TENM4: variants seen among roughly 807,000 people sequenced by gnomAD.
TENM4 encodes the protein teneurin-4.
Under a neutral mutation model 243.3 loss-of-function variants are expected in TENM4, and 82 were observed. The ratio of observed to expected loss-of-function variants is 0.34; its 90% CI spans 0.28 to 0.40. The LOEUF (loss-of-function observed/expected upper bound fraction) is 0.40. TENM4 is among the 10% of genes least tolerant of loss of function. The pLI is 1.00. For synonymous variants in TENM4, 1,412 were observed against 1,456.3 expected (o/e 0.97, Z 0.69); for missense variants, 3,138 against 3,673.3 (o/e 0.85, Z 3.77).
At chr11:78,717,926 G>A (rs1859558707) in intron 25 of TENM4, among the ~76,000 whole-genome samples, 1 of 152,176 alleles carries the variant, frequency 6.6e-6, no homozygotes, top group Non-Finnish European at 1.5e-5. Flanking sequence ...GAAGGAGTCT[G>A]TAGAGGAAGA....
At chr11:79,130,032 A>G (rs1861969201) in intron 4 of TENM4, among the ~76,000 whole-genome samples, 1 of 152,168 alleles carries the variant, frequency 6.6e-6, no homozygotes. Flanking sequence ...TACACCACTG[A>G]GAGACCCATA....
intron 6 of TENM4, chr11:79,021,859 T>G (rs1378349768): frequency 6.6e-6 from 1 of 152,200 alleles, no homozygotes; most frequent in Non-Finnish European, 1.5e-5. Flanking sequence ...TAGAATGCCA[T>G]GACTTCAGCA....
intron 1 of TENM4, among the ~76,000 whole-genome samples, chr11:79,403,674 G>A (rs529874192): frequency 6.6e-6 from 1 of 152,044 alleles, no homozygotes; most frequent in African/African-American, 2.4e-5. Context: ...CCCACCCCCA[G>A]TTGTCTTCCC....
chr11:79,128,212 C>T (rs1343265614), intron 4 of TENM4, among the ~76,000 whole-genome samples: 2 of 152,144 alleles, frequency 1.3e-5, no homozygotes, highest in Non-Finnish European at 2.9e-5. Context: ...AGAGCAAAGC[C>T]CTGGCATCTT....
chr11:79,412,710 A>G (rs945207031), intron 1 of TENM4, among the ~76,000 whole-genome samples: 2 of 152,234 alleles, frequency 1.3e-5, no homozygotes, highest in Admixed American at 6.5e-5. Context: ...CCCATCTCCC[A>G]GTAACTTCCA....
At chr11:79,303,338 C>G (rs1276315375) in intron 1 of TENM4, among the ~76,000 whole-genome samples, 3 of 152,158 alleles carry the variant, frequency 2.0e-5, no homozygotes, top group Non-Finnish European at 2.9e-5. Context: ...TTTAACCTCC[C>G]TAAGCCTCTG....
intron 28 of TENM4, among the ~76,000 whole-genome samples, chr11:78,697,504 T>A (rs1431971708): frequency 6.6e-6 from 1 of 152,214 alleles, no homozygotes; most frequent in Non-Finnish European, 1.5e-5. Flanking sequence ...CCATTTCAGT[T>A]GAGTTCTATG....
At chr11:79,029,796 AG>A (rs1298569445) in intron 6 of TENM4, among the ~76,000 whole-genome samples, 1 of 152,184 alleles carries the variant, frequency 6.6e-6, no homozygotes, top group Admixed American at 6.5e-5. Context: ...TTCTCTATCC[AG>A]GTGGGCTCTT....
chr11:79,213,110 G>A (rs1482028211), intron 3 of TENM4, among the ~76,000 whole-genome samples: 7 of 152,176 alleles, frequency 4.6e-5, no homozygotes, highest in African/African-American at 1.7e-4. Context: ...CACCCTCCTG[G>A]GCAGGCAGAG....
intron 6 of TENM4, among the ~76,000 whole-genome samples, chr11:78,958,253 T>C (rs1857248449): frequency 1.3e-5 from 2 of 152,216 alleles, no homozygotes; most frequent in Admixed American, 1.3e-4. Context: ...CTCAGAGCTA[T>C]TTATTCCCCG....
At chr11:79,379,187 T>C (rs1049080336) in intron 1 of TENM4, among the ~76,000 whole-genome samples, 1 of 152,094 alleles carries the variant, frequency 6.6e-6, no homozygotes, top group South Asian at 2.1e-4. Context: ...AGAGAAAGGC[T>C]CGTGGGTTCA....
At chr11:79,288,152 T>A (rs1377962696) in intron 2 of TENM4, among the ~76,000 whole-genome samples, 1 of 152,226 alleles carries the variant, frequency 6.6e-6, no homozygotes, top group African/African-American at 2.4e-5. Flanking sequence ...TGCTAGGCTT[T>A]TGGCACCTGG....
intron 29 of TENM4, among the ~76,000 whole-genome samples, chr11:78,683,651 GCA>G (rs1005840491): frequency 7.0e-6 from 1 of 142,078 alleles, no homozygotes; most frequent in African/African-American, 2.7e-5. Context: ...CACGGTGCGC[GCA>G]CACACTGGCC....
chr11:79,230,526 G>T (rs556965732), intron 2 of TENM4, among the ~76,000 whole-genome samples: 296 of 152,314 alleles, frequency 1.9e-3, no homozygotes, highest in African/African-American at 6.4e-3. Flanking sequence ...CCTGTGGCTA[G>T]CTTGGGAACC....
chr11:79,121,897 T>G (rs1406299727), intron 4 of TENM4, among the ~76,000 whole-genome samples: 1 of 152,230 alleles, frequency 6.6e-6, no homozygotes, highest in Non-Finnish European at 1.5e-5. Flanking sequence ...ATACCTTTCT[T>G]GTTTATGAGT....
At chr11:79,161,141 T>A (rs1862738571) in intron 3 of TENM4, among the ~76,000 whole-genome samples, 1 of 152,134 alleles carries the variant, frequency 6.6e-6, no homozygotes, top group South Asian at 2.1e-4. Flanking sequence ...TGGCTGAGAT[T>A]TTATGTGCAA....
intron 2 of TENM4, among the ~76,000 whole-genome samples, chr11:79,217,181 C>G (rs558208707): frequency 6.6e-6 from 1 of 152,222 alleles, no homozygotes; most frequent in South Asian, 2.1e-4. Flanking sequence ...CTACCCTACT[C>G]AAAAGAAGGG....
At chr11:78,772,301 A>G (rs1420384431) in intron 17 of TENM4, among the ~76,000 whole-genome samples, 1 of 152,158 alleles carries the variant, frequency 6.6e-6, no homozygotes, top group Non-Finnish European at 1.5e-5. Context: ...GGTTCACTTC[A>G]GCTTCTATTG....
chr11:79,203,125 A>T (rs1236503238), intron 3 of TENM4, among the ~76,000 whole-genome samples: 1 of 152,222 alleles, frequency 6.6e-6, no homozygotes, highest in Non-Finnish European at 1.5e-5. Context: ...ACATATAATA[A>T]CAAATATTGA....
Sources: gnomAD v4.1 joint callset for allele counts (sites outside exome capture counted in the v4.1 genomes callset) on GRCh38, gnomAD v4.1.1 for gene constraint, MANE v1.5 for transcripts, NCBI Gene and HGNC (gene_info 2026-07-23, HGNC 2026-07-21) for gene names.